Variants in TTC29 observed in about 807,000 individuals in gnomAD.
TTC29 encodes tetratricopeptide repeat domain 29, also known as tetratricopeptide repeat protein 29.
Under a neutral mutation model 58.1 loss-of-function variants are expected in TTC29, and 49 were observed. The observed-to-expected ratio is 0.84, with a 90% CI of 0.67 to 1.07. The LOEUF is 1.07. TTC29 is among the 50% of genes least tolerant of loss of function. The probability of loss-of-function intolerance (pLI) is 0.00; values close to 1 mark genes in which losing one functional copy is unlikely to be tolerated. For missense variants in TTC29, 582 were observed against 555.6 expected (o/e 1.05, Z -0.48); for synonymous variants, 209 against 196.8 (o/e 1.06, Z -0.52).
intron 11 of TTC29, among the ~76,000 whole-genome samples, chr4:146,783,924 C>A (rs1167771515): frequency 5.3e-5 from 8 of 152,012 alleles, no homozygotes; most frequent in Admixed American, 5.3e-4. Context: ...AACCAGGACT[C>A]TACTCTCAAA....
intron 11 of TTC29, among the ~76,000 whole-genome samples, chr4:146,710,647 G>C (rs1742423549): frequency 6.6e-6 from 1 of 152,094 alleles, no homozygotes; most frequent in African/African-American, 2.4e-5. Context: ...TGATCTGTAG[G>C]ACTTCAAGGG....
At chr4:146,790,814 A>C (rs1749395270) in intron 11 of TTC29, among the ~76,000 whole-genome samples, 1 of 152,234 alleles carries the variant, frequency 6.6e-6, no homozygotes, top group Non-Finnish European at 1.5e-5. Context: ...GGCACCAGGC[A>C]GGGTTCTGTA....
At chr4:146,913,199 A>G (rs551853174) in intron 4 of TTC29, among the ~76,000 whole-genome samples, 3 of 152,304 alleles carry the variant, frequency 2.0e-5, no homozygotes, top group East Asian at 3.9e-4. Context: ...CTAGGAGTGA[A>G]GAAAACATTT....
intron 11 of TTC29, among the ~76,000 whole-genome samples, chr4:146,709,601 C>A (rs1009046602): frequency 5.9e-5 from 9 of 152,082 alleles, no homozygotes; most frequent in African/African-American, 1.9e-4. Flanking sequence ...GAAAATACAA[C>A]TGGCCTGAGA....
chr4:146,908,937 A>T, intron 5 of TTC29, 89 bp downstream of exon 5: 1 of 1,142,040 alleles, frequency 8.8e-7, no homozygotes, highest in Non-Finnish European at 1.3e-6. Context: ...TTAATGTTTC[A>T]AATTCATACA....
At chr4:146,851,932 C>T (rs1402397421) in intron 8 of TTC29, among the ~76,000 whole-genome samples, 1 of 152,156 alleles carries the variant, frequency 6.6e-6, no homozygotes, top group African/African-American at 2.4e-5. Flanking sequence ...TAGCCTGATG[C>T]CACTTACATC....
chr4:146,720,134 A>T (rs934798977), intron 11 of TTC29, among the ~76,000 whole-genome samples: 1 of 152,160 alleles, frequency 6.6e-6, no homozygotes. Context: ...TTAATCCTAG[A>T]TATATAAAAA....
intron 10 of TTC29, among the ~76,000 whole-genome samples, chr4:146,807,237 C>T (rs1561143470): frequency 1.3e-5 from 2 of 152,168 alleles, no homozygotes; most frequent in South Asian, 4.1e-4. Flanking sequence ...ACAGCTAAAG[C>T]AGTGTGTAGA....
At chr4:146,860,061 C>T (rs1202911337) in intron 8 of TTC29, among the ~76,000 whole-genome samples, 4 of 152,024 alleles carry the variant, frequency 2.6e-5, no homozygotes, top group East Asian at 3.9e-4. Context: ...GATTAGTTTT[C>T]GGTTTGTCAG....
At chr4:146,928,784 G>C (rs960333887) in intron 4 of TTC29, among the ~76,000 whole-genome samples, 1 of 152,094 alleles carries the variant, frequency 6.6e-6, no homozygotes, top group Non-Finnish European at 1.5e-5. Context: ...AATGTCTTTT[G>C]CTTGGGGTGT....
chr4:146,736,326 G>C (rs779374823), intron 11 of TTC29, among the ~76,000 whole-genome samples: 8 of 152,078 alleles, frequency 5.3e-5, no homozygotes, highest in Non-Finnish European at 8.8e-5. Context: ...GGGCTGATAG[G>C]ATTATGAAAG....
At chr4:146,760,253 G>A (rs965177749) in intron 11 of TTC29, among the ~76,000 whole-genome samples, 8 of 151,938 alleles carry the variant, frequency 5.3e-5, no homozygotes, top group African/African-American at 1.7e-4. Flanking sequence ...CCTCTATGAG[G>A]AAAACTACAA....
At chr4:146,782,403 G>A (rs1009126649) in intron 11 of TTC29, among the ~76,000 whole-genome samples, 1 of 151,746 alleles carries the variant, frequency 6.6e-6, no homozygotes, top group East Asian at 1.9e-4. Flanking sequence ...ATTATCAAGA[G>A]AAGAATAAAA....
chr4:146,747,234 T>G (rs1400655107), intron 11 of TTC29, among the ~76,000 whole-genome samples: 2 of 152,170 alleles, frequency 1.3e-5, no homozygotes, highest in African/African-American at 4.8e-5. Flanking sequence ...TGATGTGTCC[T>G]GCTGTGTCCC....
chr4:146,879,612 T>C (rs976834778), intron 6 of TTC29, among the ~76,000 whole-genome samples: 2 of 152,200 alleles, frequency 1.3e-5, no homozygotes, highest in African/African-American at 4.8e-5. Context: ...TACAAAGCTT[T>C]CATATTTAGT....
intron 7 of TTC29, among the ~76,000 whole-genome samples, chr4:146,873,986 C>A (rs977376060): frequency 1.3e-5 from 2 of 152,110 alleles, no homozygotes; most frequent in African/African-American, 4.8e-5. Flanking sequence ...TATATGGTAA[C>A]AAAATATCTG....
At position 146,706,837 on chromosome 4, in the gene TTC29, T is replaced by C. The variant is rs1741994387; in HGVS notation, c.*321A>G. 5.1e-6 allele frequency: 1 copy of C among 197,602 alleles called. No individual in the cohort carries two copies. Among genetic ancestry groups the C allele is most frequent in the African/African-American group, 2.3e-5 (1 of 43,402 alleles). The allele number at this position is 197,602 out of a possible 1,614,324, so 12.2% of individuals were successfully genotyped here. A position where few individuals can be genotyped will look rare whatever the true frequency, so the allele number is the denominator to read the frequency against. ...ATGAAAGATTTTCTTAAGCTTGTAA[T>C]TATTTTCTCATTAGAAAATATTTTC... On this transcript the variant is annotated 3_prime_UTR_variant, in exon 13 of 13. Transcript: ENST00000325106.
intron 11 of TTC29, among the ~76,000 whole-genome samples, chr4:146,709,541 T>C (rs542209716): frequency 6.6e-6 from 1 of 152,276 alleles, no homozygotes; most frequent in African/African-American, 2.4e-5. Context: ...TAGTTAAATC[T>C]AGTTATCTGC....
At chr4:146,919,231 CT>C (rs1199903182) in intron 4 of TTC29, among the ~76,000 whole-genome samples, 1 of 151,104 alleles carries the variant, frequency 6.6e-6, no homozygotes, top group African/African-American at 2.4e-5. Flanking sequence ...CTTTGGCTAA[CT>C]GCAGCAAATC....
Sources: allele counts gnomAD v4.1 joint callset (sites outside exome capture counted in the v4.1 genomes callset), GRCh38; gene constraint gnomAD v4.1.1; transcripts MANE v1.5; gene names NCBI Gene and HGNC (gene_info 2026-07-23, HGNC 2026-07-21).